Variants in HTT observed in about 807,000 individuals in gnomAD.
HTT encodes huntingtin.
A neutral mutation model predicts 362.3 loss-of-function variants in HTT; 104 were observed. The observed-to-expected ratio is 0.29, with a 90% CI of 0.24 to 0.34. The LOEUF is 0.34. HTT is among the 10% of genes least tolerant of loss of function. The pLI is 1.00. For synonymous variants in HTT, 1,577 were observed against 1,548.7 expected (o/e 1.02, Z -0.43); for missense variants, 3,301 against 3,928.6 (o/e 0.84, Z 4.27).
At chr4:3,191,007 G>A (rs768702101) in intron 40 of HTT, among the ~76,000 whole-genome samples, 7 of 152,166 alleles carry the variant, frequency 4.6e-5, no homozygotes, top group African/African-American at 9.7e-5. Flanking sequence ...CAGTTGATCT[G>A]TTGGAAGCCC....
chr4:3,217,864 C>T lies in HTT; in HGVS notation c.7154C>T (p.Pro2385Leu), dbSNP rs1269304778. ...GGTCATAAAAGGAATAGCGGCGTGC[C>T]GGCGTTTCTCACGCCATTGCTAAGG... Reference protein sequence around the residue: ...ALGHKRNSGVPAFLTPLLRNI... With the variant: ...ALGHKRNSGVLAFLTPLLRNI... The change falls in exon 52 of 67, where the codon CCG becomes CTG. Residue 2385 changes from proline to leucine, a missense_variant. Physicochemically the swap from Pro to Leu is moderately conservative, Grantham distance 98 (BLOSUM62 -3). Around this residue, in one of 4 missense-constraint regions of HTT, gnomAD observed 753 missense variants for 1,021.3 expected, o/e 0.74. Transcript: ENST00000355072. 2.5e-6 allele frequency: 4 copies of T among 1,614,140 alleles called. No homozygotes were observed. Among genetic ancestry groups the T allele is most frequent in the Non-Finnish European group, 3.4e-6 (4 of 1,179,958 alleles).
Position 3,080,317 on chromosome 4 carries a change from A to T in HTT, c.263+5229A>T, listed in dbSNP as rs186927774. Among the ~76,000 whole-genome samples the T allele has an allele frequency of 4.6e-5, 7 of 151,728 alleles. No individual in the cohort carries two copies. The East Asian group carries it at 1.4e-3, about 30-fold the overall frequency. ...ACCATGTTGGCCAGGCTGGTCTCGA[A>T]CTTCTGACCTCAGGTGATCCACTCG... On this transcript the variant is annotated intron_variant, in intron 1 of 66. Transcript: ENST00000355072.
chr4:3,176,788 T>C (rs1426541898), intron 33 of HTT, among the ~76,000 whole-genome samples: 3 of 152,238 alleles, frequency 2.0e-5, no homozygotes, highest in Non-Finnish European at 2.9e-5. Context: ...GAGCTCCTGC[T>C]GTATGTTTGC....
intron 2 of HTT, among the ~76,000 whole-genome samples, chr4:3,088,132 C>CGGTG (rs1424421726): frequency 1.3e-5 from 2 of 150,916 alleles, no homozygotes; most frequent in African/African-American, 4.9e-5. Context: ...CCAGGGCGCC[C>CGGTG]GGTGATTCAT....
chr4:3,088,902 G>A (rs1044597265), intron 2 of HTT, among the ~76,000 whole-genome samples: 1 of 152,146 alleles, frequency 6.6e-6, no homozygotes, highest in Non-Finnish European at 1.5e-5. Flanking sequence ...TTGTGGAAAT[G>A]TTGTGGGAAG....
chr4:3,212,709 G>A lies in HTT; in HGVS notation c.6774G>A (p.Glu2258=). 1.2e-6 allele frequency: 2 copies of A among 1,614,210 alleles called. No homozygotes were observed. The highest frequency in any genetic ancestry group is 1.7e-6 in the Non-Finnish European group (2 of 1,180,024). ...DIVKFVVATL[E]ALSWHLIHEQ... is the part of the protein sequence containing the mutation. ...TGAAATTCGTGGTGGCAACCCTTGAGGTAAGAGGCAGCTCGGGAGCTCAGT... is the reference window on the plus strand; with the variant it reads ...TGAAATTCGTGGTGGCAACCCTTGAAGTAAGAGGCAGCTCGGGAGCTCAGT... Residue 2258 remains glutamate (E), a splice_region_variant and synonymous_variant, in exon 49 of 67, where the codon GAG becomes GAA. Coordinates refer to ENST00000355072, the MANE Select transcript of HTT (RefSeq NM_001388492.1).
chr4:3,178,205 G>C (rs539209601), intron 34 of HTT, 93 bp from the exon 35 acceptor site: 2 of 990,710 alleles, frequency 2.0e-6, no homozygotes, highest in Non-Finnish European at 3.1e-6. Flanking sequence ...TGTGCTTGCT[G>C]TCAAGGTTGA....
At chr4:3,102,493 A>G (rs914878539) in intron 3 of HTT, among the ~76,000 whole-genome samples, 2 of 152,274 alleles carry the variant, frequency 1.3e-5, no homozygotes, top group African/African-American at 4.8e-5. Context: ...AAGGACTTTC[A>G]GTACAAACTG....
At chr4:3,220,154 T>G in intron 52 of HTT, 28 bp from the exon 53 acceptor site, 1 of 1,613,794 alleles carries the variant, frequency 6.2e-7, no homozygotes, top group Non-Finnish European at 8.5e-7. Flanking sequence ...TCAACTCGGA[T>G]GATGTCACTT....
At chr4:3,209,764 G>A in intron 46 of HTT, 63 bp from the exon 47 acceptor site, 1 of 1,597,422 alleles carries the variant, frequency 6.3e-7, no homozygotes, top group Non-Finnish European at 8.5e-7. Context: ...TGTAGCTCCA[G>A]GGATGTGAAG....
chr4:3,182,280 T>C, intron 36 of HTT, 74 bp from the exon 37 acceptor site: 1 of 908,588 alleles, frequency 1.1e-6, no homozygotes, highest in Non-Finnish European at 1.8e-6. Context: ...CTGGGACAAG[T>C]ATAACAGACG....
chr4:3,120,297 C>T (rs1235078650), intron 8 of HTT, among the ~76,000 whole-genome samples: 1 of 152,114 alleles, frequency 6.6e-6, no homozygotes, highest in East Asian at 1.9e-4. Flanking sequence ...GACATACTTA[C>T]ACTACAAAAT....
chr4:3,211,728 A>G (rs1402374872), intron 47 of HTT, among the ~76,000 whole-genome samples: 1 of 152,258 alleles, frequency 6.6e-6, no homozygotes, highest in African/African-American at 2.4e-5. Flanking sequence ...ATATTTTACT[A>G]AGCATATGTT....
In HTT at chr4:3,228,361, C is replaced by T. The variant is rs547594485; in HGVS notation, c.7849-254C>T. The stretch of plus-strand genomic sequence containing the variant: ...TAGAGCCTCTTTCTGTGTCACCCTC[C>T]TCAGCTGCTCCTGGGGTTGACTGGC... On this transcript the variant is annotated intron_variant, in intron 57 of 66. Coordinates refer to ENST00000355072, the MANE Select transcript of HTT (RefSeq NM_001388492.1). The surrounding 1 kb of genome is among the most constrained non-coding windows in gnomAD (Gnocchi z 4.3). Among the ~76,000 whole-genome samples, 1 of 152,298 alleles carries T rather than the reference C, an allele frequency of 6.6e-6. No homozygotes were observed. The highest frequency in any genetic ancestry group is 1.5e-5 in the Non-Finnish European group (1 of 68,016).
intron 24 of HTT, among the ~76,000 whole-genome samples, chr4:3,146,168 T>C (rs954054780): frequency 6.6e-6 from 1 of 152,220 alleles, no homozygotes; most frequent in Non-Finnish European, 1.5e-5. Flanking sequence ...CTATGTTCTC[T>C]TAATGCTCAG....
chr4:3,167,129 C>T (rs564108319), intron 29 of HTT, among the ~76,000 whole-genome samples: 5 of 152,188 alleles, frequency 3.3e-5, no homozygotes, highest in Admixed American at 1.3e-4. Context: ...TGACGTGCAT[C>T]GGCACAATCT....
chr4:3,172,485 G>A (rs1028048828), intron 30 of HTT, 88 bp downstream of exon 30: 2 of 884,342 alleles, frequency 2.3e-6, no homozygotes, highest in African/African-American at 3.3e-5. Context: ...GGCGCTGTTG[G>A]CATAATCAGC....
At chr4:3,075,156 C>T (rs895266969) in intron 1 of HTT, 68 bp downstream of exon 1, 202 of 1,185,062 alleles carry the variant, frequency 1.7e-4, no homozygotes, top group Non-Finnish European at 2.0e-4. Context: ...TGGCGGTAAC[C>T]CTGCAGCCTG....
At chr4:3,194,032 G>C (rs1394707298) in intron 40 of HTT, among the ~76,000 whole-genome samples, 2 of 152,118 alleles carry the variant, frequency 1.3e-5, no homozygotes, top group African/African-American at 4.8e-5. Flanking sequence ...TATTTGATTG[G>C]TTTCAAGATA....
Sources: allele counts gnomAD v4.1 joint callset (sites outside exome capture counted in the v4.1 genomes callset), GRCh38; gene constraint gnomAD v4.1.1; regional missense constraint gnomAD v4.1.1; non-coding constraint Gnocchi (gnomAD v3.1); transcripts MANE v1.5; gene names NCBI Gene and HGNC (gene_info 2026-07-23, HGNC 2026-07-21).